Variants in PEAK1 observed in about 807,000 individuals in gnomAD.
The protein encoded by PEAK1 is inactive tyrosine-protein kinase PEAK1.
A neutral mutation model predicts 124.7 loss-of-function variants in PEAK1; 54 were observed. The observed-to-expected ratio is 0.43, with a 90% confidence interval of 0.35 to 0.54. PEAK1 has a LOEUF of 0.54. Among genes scored for constraint, PEAK1 ranks in the 20% least tolerant of loss-of-function variants. PEAK1 has a pLI of 0.01. For synonymous variants in PEAK1, 719 were observed against 760.0 expected, an observed-to-expected ratio of 0.95 and a Z score of 0.89; for missense variants, 2,046 against 2,134.5, an observed-to-expected ratio of 0.96 and a Z score of 0.82.
chr15:77,115,370 T>C (rs2152710917), intron 9 of PEAK1, 51 bp from the exon 10 acceptor site: 1 of 1,515,976 alleles, frequency 6.6e-7, no homozygotes, highest in Non-Finnish European at 9.0e-7. Context: ...ACCAGGTTTA[T>C]GATGTATCAG....
At chr15:77,134,325 T>C (rs1298362135) in intron 8 of PEAK1, among the ~76,000 whole-genome samples, 2 of 152,204 alleles carry the variant, frequency 1.3e-5, no homozygotes, top group Non-Finnish European at 2.9e-5. Context: ...TCAAAAGCCA[T>C]GCTATTTATT....
intron 1 of PEAK1, chr15:77,403,573 A>G (rs1010388195): frequency 1.0e-6 from 1 of 968,034 alleles, no homozygotes; most frequent in Non-Finnish European, 1.2e-6. Flanking sequence ...ACATATATTC[A>G]GCCTCTGAGT....
chr15:77,253,453 G>T (rs2060978516), intron 5 of PEAK1, among the ~76,000 whole-genome samples: 2 of 152,246 alleles, frequency 1.3e-5, no homozygotes, highest in Admixed American at 1.3e-4. Flanking sequence ...AAAGCCATTT[G>T]TATTTATCAC....
chr15:77,418,799 C>T (rs1217290451), intron 1 of PEAK1: 1 of 985,222 alleles, frequency 1.0e-6, no homozygotes, highest in African/African-American at 1.7e-5. Context: ...TCTGACTATA[C>T]ACATCACTAC....
intron 2 of PEAK1, among the ~76,000 whole-genome samples, chr15:77,314,420 G>A (rs2064742573): frequency 6.6e-6 from 1 of 151,882 alleles, no homozygotes; most frequent in Non-Finnish European, 1.5e-5. Context: ...CCAGGCTGGA[G>A]TGCAATGGTG....
chr15:77,129,129 T>C (rs549297970), intron 9 of PEAK1, among the ~76,000 whole-genome samples: 3 of 152,316 alleles, frequency 2.0e-5, no homozygotes, highest in Admixed American at 2.0e-4. Flanking sequence ...GCCTCTCCCT[T>C]GCACTCTCTT....
At chr15:77,163,967 C>G (rs1274578255) in intron 7 of PEAK1, among the ~76,000 whole-genome samples, 1 of 152,072 alleles carries the variant, frequency 6.6e-6, no homozygotes, top group Non-Finnish European at 1.5e-5. Flanking sequence ...CTGGGGATAA[C>G]GGAACTCTGC....
chr15:77,394,811 A>G (rs570318791), intron 1 of PEAK1, among the ~76,000 whole-genome samples: 7 of 152,362 alleles, frequency 4.6e-5, no homozygotes, highest in Non-Finnish European at 1.0e-4. Flanking sequence ...GGCACAAGGA[A>G]TCAATCCTGG....
chr15:77,230,738 C>T (rs557763528), intron 6 of PEAK1, among the ~76,000 whole-genome samples: 5 of 151,808 alleles, frequency 3.3e-5, no homozygotes, highest in African/African-American at 9.7e-5. Context: ...CTCACTGTGG[C>T]GGGAGGATCA....
intron 7 of PEAK1, among the ~76,000 whole-genome samples, chr15:77,167,568 C>A (rs1029253502): frequency 7.2e-5 from 11 of 152,184 alleles, no homozygotes; most frequent in African/African-American, 2.4e-4. Context: ...AGTTTCTTTA[C>A]AGCAAAATAA....
In PEAK1 at chr15:77,418,724, A is replaced by T. The variant is rs187463444; in HGVS notation, c.-666+1282T>A. 6.5e-4 allele frequency: 637 copies of T among 985,450 alleles called. 3 individuals are homozygous for T. In the African/African-American group the frequency reaches 9.0e-3, roughly 14 times the overall value. The allele number at this position is 985,450 out of a possible 1,614,324, so 61.0% of individuals were successfully genotyped here. A position where few individuals can be genotyped will look rare whatever the true frequency, so the allele number is the denominator to read the frequency against. On this transcript the variant is annotated intron_variant, in intron 1 of 9. Coordinates refer to ENST00000682557, the MANE Select transcript of PEAK1 (RefSeq NM_001385026.1). ...AGTGAGTATCCAAGATTGCTCATGG[A>T]AAGTTTTACCCCGGTGGATAATTCA...
At chr15:77,182,878 G>A (rs766424713) in intron 6 of PEAK1, among the ~76,000 whole-genome samples, 4 of 151,926 alleles carry the variant, frequency 2.6e-5, no homozygotes, top group Non-Finnish European at 5.9e-5. Flanking sequence ...CTTGAATAGG[G>A]GAAACAACAT....
At chr15:77,337,122 A>C in intron 2 of PEAK1, 1 of 985,150 alleles carries the variant, frequency 1.0e-6, no homozygotes, top group Non-Finnish European at 1.2e-6. Flanking sequence ...GCTAGCCCTC[A>C]AGATGCCAAC....
At chr15:77,409,844 AAAGT>A (rs2072248582) in intron 1 of PEAK1, among the ~76,000 whole-genome samples, 2 of 152,202 alleles carry the variant, frequency 1.3e-5, no homozygotes, top group African/African-American at 4.8e-5. Context: ...ACAACCCCAT[AAAGT>A]AAGTACAAGT....
At chr15:77,188,628 G>A (rs2057670425) in intron 6 of PEAK1, among the ~76,000 whole-genome samples, 1 of 151,824 alleles carries the variant, frequency 6.6e-6, no homozygotes, top group Admixed American at 6.6e-5. Flanking sequence ...TCTTCTGCTT[G>A]GAATGTATTT....
At chr15:77,407,190 C>A (rs578069309) in intron 1 of PEAK1, among the ~76,000 whole-genome samples, 1 of 152,044 alleles carries the variant, frequency 6.6e-6, no homozygotes, top group African/African-American at 2.4e-5. Context: ...TCGGAAAAAC[C>A]CTTCTAGATA....
chr15:77,192,828 CT>C (rs1168429270), intron 6 of PEAK1, among the ~76,000 whole-genome samples: 9 of 150,674 alleles, frequency 6.0e-5, no homozygotes, highest in East Asian at 5.8e-4. Context: ...CGGTCCTTAC[CT>C]TTTTTTTTAA....
At chr15:77,255,085 AT>A in intron 5 of PEAK1, among the ~76,000 whole-genome samples, 1 of 152,322 alleles carries the variant, frequency 6.6e-6, no homozygotes, top group South Asian at 2.1e-4. Context: ...AATTTTCCAG[AT>A]ATAGGGCACA....
At chr15:77,272,153 T>C (rs1433196845) in intron 5 of PEAK1, among the ~76,000 whole-genome samples, 10 of 152,126 alleles carry the variant, frequency 6.6e-5, no homozygotes, top group Admixed American at 4.6e-4. Context: ...AATGCCTACA[T>C]TGTTAAGTCT....
Sources: gnomAD v4.1 joint callset for allele counts (sites outside exome capture counted in the v4.1 genomes callset) on GRCh38, gnomAD v4.1.1 for gene constraint, MANE v1.5 for transcripts, NCBI Gene and HGNC (gene_info 2026-07-23, HGNC 2026-07-21) for gene names.